NEK1: variants seen among roughly 807,000 people sequenced by gnomAD.
NEK1 encodes serine/threonine-protein kinase Nek1.
In NEK1, 137 loss-of-function variants were observed where a neutral mutation model predicts 182.1. That is an observed-to-expected ratio of 0.75 (90% CI 0.65 to 0.87). The LOEUF (loss-of-function observed/expected upper bound fraction) is 0.87, where lower values mean the gene tolerates loss of function less well. NEK1 is among the 40% of genes least tolerant of loss of function. The probability of loss-of-function intolerance (pLI) is 0.00; values close to 1 mark genes in which losing one functional copy is unlikely to be tolerated. For synonymous variants in NEK1, 513 were observed against 492.2 expected, an observed-to-expected ratio of 1.04 and a Z score of -0.56; for missense variants, 1,391 against 1,494.4, an observed-to-expected ratio of 0.93 and a Z score of 1.14.
chr4:169,510,299 C>T (rs953221379), intron 19 of NEK1, among the ~76,000 whole-genome samples: 8 of 152,136 alleles, frequency 5.3e-5, no homozygotes, highest in Non-Finnish European at 5.9e-5. Context: ...TCCACTCTTA[C>T]GCAGCAAAGC....
chr4:169,429,133 A>C (rs2149397429), intron 29 of NEK1, among the ~76,000 whole-genome samples: 1 of 152,244 alleles, frequency 6.6e-6, no homozygotes, highest in Admixed American at 6.5e-5. Flanking sequence ...ATTCCACAGA[A>C]CCCACTGTGG....
At chr4:169,537,456 C>G (rs1241724566) in intron 19 of NEK1, among the ~76,000 whole-genome samples, 1 of 151,962 alleles carries the variant, frequency 6.6e-6, no homozygotes, top group Non-Finnish European at 1.5e-5. Flanking sequence ...TATGTAAAAC[C>G]AAAAGCATAT....
In NEK1 at chr4:169,527,706, A is replaced by C. The variant is rs897095501; in HGVS notation, c.1665+10103T>G. Among the ~76,000 whole-genome samples, 13 of 152,336 alleles carry C rather than the reference A, an allele frequency of 8.5e-5. No individual in the cohort carries two copies. In the South Asian group the frequency reaches 2.7e-3, roughly 32 times the overall value. ...CAGATTAATTAAAATGGAATATTAA[A>C]GTGTTCAAATAATCTAAAGGCAGCA... On this transcript the variant is annotated intron_variant, in intron 19 of 35. Coordinates refer to ENST00000507142, the MANE Select transcript of NEK1 (RefSeq NM_001199397.3).
At chr4:169,424,833 C>T (rs777065189) in intron 30 of NEK1, 33 bp from the exon 31 acceptor site, 35 of 1,544,458 alleles carry the variant, frequency 2.3e-5, no homozygotes, top group Non-Finnish European at 1.5e-5. Context: ...TGTGGTAAGT[C>T]TATACAGTAC....
chr4:169,555,385 G>C (rs1762018669), intron 18 of NEK1: 1 of 282,010 alleles, frequency 3.5e-6, no homozygotes, highest in Non-Finnish European at 6.8e-6. Context: ...CATAAAGTGT[G>C]ATTCAATTTA....
At chr4:169,521,017 A>G (rs1755889940) in intron 19 of NEK1, among the ~76,000 whole-genome samples, 1 of 72,870 alleles carries the variant, frequency 1.4e-5, no homozygotes, top group Non-Finnish European at 2.7e-5. Flanking sequence ...GGCCTCCTTG[A>G]GCTGTGGTGG....
intron 31 of NEK1, among the ~76,000 whole-genome samples, chr4:169,418,126 G>A (rs542398525): frequency 3.3e-5 from 5 of 152,162 alleles, no homozygotes; most frequent in South Asian, 2.1e-4. Flanking sequence ...CAAACTGACC[G>A]GGAGGGAGGT....
Position 169,577,086 on chromosome 4 carries a change from GAA to G in NEK1, c.869-9_869-8del, listed in dbSNP as rs777320920. 1.9e-6 allele frequency: 3 copies of G among 1,612,988 alleles called. No homozygotes were observed. The highest frequency in any genetic ancestry group is 2.5e-6 in the Non-Finnish European group (3 of 1,179,510). On this transcript the variant is annotated splice_polypyrimidine_tract_variant and splice_region_variant and intron_variant, in intron 11 of 35. Transcript: ENST00000507142. ...CCTGAAGCTGGTCTTTTAGCTAGAT[GAA>G]AAGATACAAAGAATTTTGTCTGCAG... is the stretch of plus-strand genomic sequence containing the variant.
chr4:169,453,584 G>T (rs1445751480), intron 27 of NEK1, among the ~76,000 whole-genome samples: 1 of 152,244 alleles, frequency 6.6e-6, no homozygotes, highest in African/African-American at 2.4e-5. Flanking sequence ...CCCGCCCAGG[G>T]CAGAAAACTG....
Position 169,394,345 on chromosome 4 carries a change from C to A in NEK1, c.*165G>T. The A allele has an allele frequency of 1.9e-6, 1 of 517,426 alleles. No individual in the cohort carries two copies. Among genetic ancestry groups the A allele is most frequent in the Non-Finnish European group, 3.5e-6 (1 of 287,712 alleles). The allele number at this position is 517,426 out of a possible 1,614,324, so 32.1% of individuals were successfully genotyped here. Reference sequence around the variant, plus strand: ...AATAGATAAAATATTAGAATCTTCACTGAAAAATGGCATGTTTCTCCATCT... The same window carrying A: ...AATAGATAAAATATTAGAATCTTCAATGAAAAATGGCATGTTTCTCCATCT... On this transcript the variant is annotated 3_prime_UTR_variant, in exon 36 of 36. Coordinates refer to ENST00000507142, the MANE Select transcript of NEK1 (RefSeq NM_001199397.3).
rs1445795313 is a variant in NEK1 at position 169,580,921 on chromosome 4, A to C, written c.808-19T>G. 9 of 1,378,098 alleles carry C rather than the reference A, an allele frequency of 6.5e-6. No homozygotes were observed. The South Asian group carries it at 1.2e-4, about 19-fold the overall frequency. 85.4% of individuals were successfully genotyped at this position (1,378,098 alleles called of 1,614,324 possible). On this transcript the variant is annotated intron_variant, in intron 10 of 35. Transcript: ENST00000507142. ...CAATAAGCTGAGATTGAAAGAGAAA[A>C]AAATTAGAAAAGATGTTACATTTTC...
intron 19 of NEK1, among the ~76,000 whole-genome samples, chr4:169,522,794 G>A (rs549211954): frequency 5.9e-5 from 9 of 152,304 alleles, no homozygotes; most frequent in African/African-American, 2.2e-4. Flanking sequence ...CCTGGTGTCA[G>A]GAAAATGTTG....
chr4:169,581,079 T>C (rs1283510290), intron 10 of NEK1, among the ~76,000 whole-genome samples, 177 bp from the exon 11 acceptor site: 1 of 143,862 alleles, frequency 7.0e-6, no homozygotes, highest in East Asian at 2.1e-4. Flanking sequence ...CCAGGTGTCG[T>C]GGTTCATGCC....
chr4:169,537,047 A>G (rs1301692057), intron 19 of NEK1, among the ~76,000 whole-genome samples: 1 of 152,224 alleles, frequency 6.6e-6, no homozygotes, highest in South Asian at 2.1e-4. Flanking sequence ...CAGATATGTA[A>G]TAAGTCTAAT....
chr4:169,569,692 CTG>C (rs1764347168), intron 12 of NEK1, among the ~76,000 whole-genome samples: 1 of 152,140 alleles, frequency 6.6e-6, no homozygotes, highest in South Asian at 2.1e-4. Context: ...CGGGGTTTCG[CTG>C]TGTTGGCCGG....
chr4:169,437,064 T>C (rs1738548631), intron 28 of NEK1, among the ~76,000 whole-genome samples: 1 of 152,204 alleles, frequency 6.6e-6, no homozygotes, highest in African/African-American at 2.4e-5. Context: ...CACCAAGCTT[T>C]GGTGCAAGGA....
chr4:169,547,720 T>TCTC (rs1334090624), intron 18 of NEK1, among the ~76,000 whole-genome samples: 1 of 152,228 alleles, frequency 6.6e-6, no homozygotes, highest in East Asian at 1.9e-4. Flanking sequence ...TTTCATTGAG[T>TCTC]TGATCTTCAA....
At chr4:169,454,602 A>G (rs1404535944) in intron 27 of NEK1, among the ~76,000 whole-genome samples, 1 of 152,250 alleles carries the variant, frequency 6.6e-6, no homozygotes, top group Non-Finnish European at 1.5e-5. Context: ...TGATCATTAG[A>G]GAAATGCAAA....
At chr4:169,567,043 T>C (rs535596203) in intron 12 of NEK1, among the ~76,000 whole-genome samples, 3 of 151,874 alleles carry the variant, frequency 2.0e-5, no homozygotes, top group Non-Finnish European at 2.9e-5. Context: ...TGAGCCAAGA[T>C]TGCACCACTG....
Sources: allele counts gnomAD v4.1 joint callset (sites outside exome capture counted in the v4.1 genomes callset), GRCh38; gene constraint gnomAD v4.1.1; transcripts MANE v1.5; gene names NCBI Gene and HGNC (gene_info 2026-07-23, HGNC 2026-07-21).